Variants in NCOA3 observed in about 807,000 individuals in gnomAD.
NCOA3 encodes CBP-interacting protein.
In NCOA3, 51 loss-of-function variants were observed where a neutral mutation model predicts 158.8. That is an observed-to-expected ratio of 0.32 (90% CI 0.26 to 0.41). NCOA3 has a LOEUF of 0.41. Ranked by LOEUF, NCOA3 falls within the 10% of genes least tolerant of loss-of-function variation. The pLI, the probability that NCOA3 is intolerant of heterozygous loss-of-function variation, is 1.00. For synonymous variants in NCOA3, 537 were observed against 592.4 expected, an observed-to-expected ratio of 0.91 and a Z score of 1.36; for missense variants, 1,510 against 1,746.6, an observed-to-expected ratio of 0.86 and a Z score of 2.41.
At chr20:47,643,977 G>T (rs2086649617) in intron 17 of NCOA3, among the ~76,000 whole-genome samples, 1 of 151,122 alleles carries the variant, frequency 6.6e-6, no homozygotes, top group Non-Finnish European at 1.5e-5. Context: ...ATCTTGGTAT[G>T]GGTCTTTTTT....
chr20:47,581,797 T>C lies in NCOA3; in HGVS notation c.-98-1386T>C, dbSNP rs190772123. On this transcript the variant is annotated intron_variant, in intron 1 of 22. Transcript: ENST00000371998. ...CAAGTGCAAAAGCCTGCTGTTTATA[T>C]GTTCATGTGTTTTATTGTAGATTAT... Among the ~76,000 whole-genome samples the C allele has an allele frequency of 2.6e-5, 4 of 152,348 alleles. No individual in the cohort carries two copies. In the East Asian group the frequency reaches 7.7e-4, roughly 29 times the overall value.
In NCOA3 at chr20:47,655,394, A is replaced by G. The variant is rs1161500038; in HGVS notation, c.*1977A>G. The G allele has an allele frequency of 6.6e-6, 1 of 152,228 alleles. No individual in the cohort carries two copies. 9.4% of individuals were successfully genotyped at this position (152,228 alleles called of 1,614,324 possible). On this transcript the variant is annotated 3_prime_UTR_variant, in exon 23 of 23. Coordinates refer to ENST00000371998, the MANE Select transcript of NCOA3 (RefSeq NM_181659.3). ...TTAATTTTAAGAATTTCACACATTT[A>G]GCCAATCTTTCTAGATGTCTCTGAA...
intron 1 of NCOA3, among the ~76,000 whole-genome samples, chr20:47,519,973 A>G (rs1021066233): frequency 6.9e-6 from 1 of 144,304 alleles, no homozygotes; most frequent in South Asian, 2.3e-4. Flanking sequence ...CATGTTGGTC[A>G]GGCTGGTCTC....
intron 2 of NCOA3, among the ~76,000 whole-genome samples, chr20:47,608,087 T>A (rs1160606853): frequency 6.6e-6 from 1 of 151,692 alleles, no homozygotes; most frequent in Non-Finnish European, 1.5e-5. Context: ...CAGGCAGGTA[T>A]ATCACCTGAG....
chr20:47,646,466 G>A (rs1225681996), intron 17 of NCOA3, among the ~76,000 whole-genome samples: 1 of 152,202 alleles, frequency 6.6e-6, no homozygotes, highest in Non-Finnish European at 1.5e-5. Flanking sequence ...TTTTCTGCCT[G>A]TTAAGTTTGA....
At chr20:47,564,784 T>C (rs1247988539) in intron 1 of NCOA3, among the ~76,000 whole-genome samples, 1 of 152,224 alleles carries the variant, frequency 6.6e-6, no homozygotes, top group Admixed American at 6.5e-5. Flanking sequence ...CACGTTTTCA[T>C]GTGTTTGCTG....
intron 1 of NCOA3, among the ~76,000 whole-genome samples, chr20:47,528,322 G>C (rs1381038538): frequency 6.6e-6 from 1 of 151,868 alleles, no homozygotes; most frequent in African/African-American, 2.4e-5. Context: ...CTTTTAAATG[G>C]CCTAGAGCTT....
chr20:47,622,198 A>T, intron 2 of NCOA3, 31 bp from the exon 3 acceptor site: 1 of 1,204,602 alleles, frequency 8.3e-7, no homozygotes, highest in Non-Finnish European at 1.2e-6. Context: ...TTTTTAATGT[A>T]CTTATCTTAT....
At chr20:47,595,777 C>T (rs1266555418) in intron 2 of NCOA3, among the ~76,000 whole-genome samples, 1 of 151,208 alleles carries the variant, frequency 6.6e-6, no homozygotes, top group African/African-American at 2.4e-5. Context: ...GGATGTATGA[C>T]TTTGGGTTGA....
At chr20:47,543,899 C>T (rs1799072428) in intron 1 of NCOA3, among the ~76,000 whole-genome samples, 1 of 152,120 alleles carries the variant, frequency 6.6e-6, no homozygotes, top group African/African-American at 2.4e-5. Context: ...ACTCTATTTA[C>T]TAGTATTTAA....
intron 2 of NCOA3, among the ~76,000 whole-genome samples, chr20:47,588,611 A>G (rs959469253): frequency 3.3e-5 from 5 of 152,198 alleles, no homozygotes; most frequent in African/African-American, 1.2e-4. Context: ...CAAAAGGCAT[A>G]CATTGCTTTT....
chr20:47,618,535 G>A (rs1328747774), intron 2 of NCOA3, among the ~76,000 whole-genome samples: 1 of 152,032 alleles, frequency 6.6e-6, no homozygotes, highest in African/African-American at 2.4e-5. Context: ...TGTATTTTTA[G>A]TAGAGATGGA....
chr20:47,603,404 CT>C (rs1231879043), intron 2 of NCOA3, among the ~76,000 whole-genome samples: 3 of 152,252 alleles, frequency 2.0e-5, no homozygotes, highest in Non-Finnish European at 2.9e-5. Context: ...GCGAGTGCCC[CT>C]GGGCTCTGTT....
chr20:47,634,920 C>CTTTTTTTTTTT (rs66801245), intron 10 of NCOA3, among the ~76,000 whole-genome samples: 2 of 120,134 alleles, frequency 1.7e-5, no homozygotes, highest in Non-Finnish European at 1.7e-5. Flanking sequence ...TTCTCTTCTT[C>CTTTTTTTTTTT]TTTTTTTTTT....
intron 3 of NCOA3, among the ~76,000 whole-genome samples, 182 bp from the exon 4 acceptor site, chr20:47,623,729 A>G (rs1014793520): frequency 6.6e-6 from 1 of 152,062 alleles, no homozygotes; most frequent in African/African-American, 2.4e-5. Context: ...TGGAGGTTGC[A>G]TTGAGCCAAA....
chr20:47,627,158 A>C lies in NCOA3; in HGVS notation c.514A>C (p.Asn172His), dbSNP rs372397278. The change falls in exon 6 of 23, where the codon AAT becomes CAT. Residue 172 changes from asparagine to histidine, a missense_variant. Around this residue, in one of 4 missense-constraint regions of NCOA3, gnomAD observed 309 missense variants for 427.1 expected, o/e 0.72. Coordinates refer to ENST00000371998, the MANE Select transcript of NCOA3 (RefSeq NM_181659.3). ...HEEDRKDFLK[N>H]LPKSTVNGVS... Reference sequence around the variant, plus strand: ...AGAAGACAGAAAGGATTTTCTTAAGAATTTACCAAAATCTACAGGTAGGCT... The same window carrying C: ...AGAAGACAGAAAGGATTTTCTTAAGCATTTACCAAAATCTACAGGTAGGCT... 1.2e-6 allele frequency: 2 copies of C among 1,603,960 alleles called. No individual in the cohort carries two copies. The highest frequency in any genetic ancestry group is 2.7e-5 in the African/African-American group (2 of 74,390).
chr20:47,577,317 G>A (rs1027191286), intron 1 of NCOA3, among the ~76,000 whole-genome samples: 1 of 152,080 alleles, frequency 6.6e-6, no homozygotes, highest in Admixed American at 6.6e-5. Context: ...ATGGCATTTT[G>A]GTTATGACAA....
chr20:47,599,318 C>A (rs2425980), intron 2 of NCOA3, among the ~76,000 whole-genome samples: 70,170 of 151,020 alleles, frequency 0.46, 16,770 homozygotes, highest in Middle Eastern at 0.59. Flanking sequence ...CATAAAGACG[C>A]AAATACGTAA....
chr20:47,567,565 C>T (rs1448361664), intron 1 of NCOA3, among the ~76,000 whole-genome samples: 2 of 151,842 alleles, frequency 1.3e-5, no homozygotes, highest in Non-Finnish European at 2.9e-5. Flanking sequence ...TCACACCTGG[C>T]TAATTCTTTT....
Sources: gnomAD v4.1 joint callset for allele counts (sites outside exome capture counted in the v4.1 genomes callset) on GRCh38, gnomAD v4.1.1 for gene constraint, gnomAD v4.1.1 regional missense constraint, MANE v1.5 for transcripts, NCBI Gene and HGNC (gene_info 2026-07-23, HGNC 2026-07-21) for gene names.